Variants in GLT1D1 observed in about 807,000 individuals in gnomAD.
The protein encoded by GLT1D1 is glycosyltransferase 1 domain containing 1.
GLT1D1 carries 21 observed loss-of-function variants against 28.7 expected under a neutral mutation model. The observed-to-expected ratio is 0.73, with a 90% confidence interval of 0.52 to 1.05. GLT1D1 has a LOEUF of 1.05. Ranked by LOEUF, GLT1D1 falls within the 50% of genes least tolerant of loss-of-function variation. The pLI is 0.00. For synonymous variants in GLT1D1, 147 were observed against 124.8 expected, an observed-to-expected ratio of 1.18 and a Z score of -1.19; for missense variants, 343 against 330.6, an observed-to-expected ratio of 1.04 and a Z score of -0.29.
At chr12:128,944,374 A>G in intron 4 of GLT1D1, 2 of 986,958 alleles carry the variant, frequency 2.0e-6, no homozygotes, top group Non-Finnish European at 3.2e-6. Context: ...GAATGTTTCC[A>G]ACACCGCTTT....
chr12:128,954,485 T>C (rs1414162414), intron 6 of GLT1D1, among the ~76,000 whole-genome samples: 1 of 152,144 alleles, frequency 6.6e-6, no homozygotes, highest in African/African-American at 2.4e-5. Flanking sequence ...GGTTCTAAGG[T>C]CACCTGTTTT....
At chr12:128,919,381 A>G (rs1872422936) in intron 4 of GLT1D1, among the ~76,000 whole-genome samples, 1 of 152,184 alleles carries the variant, frequency 6.6e-6, no homozygotes, top group Non-Finnish European at 1.5e-5. Flanking sequence ...CACTGCATAT[A>G]AACAGTTGAG....
chr12:128,872,755 C>T (rs1956730289), intron 1 of GLT1D1, among the ~76,000 whole-genome samples: 1 of 152,168 alleles, frequency 6.6e-6, no homozygotes, highest in African/African-American at 2.4e-5. Context: ...CACGCACGCT[C>T]ACACTCACAC....
intron 1 of GLT1D1, among the ~76,000 whole-genome samples, chr12:128,856,582 A>G (rs1956230224): frequency 6.6e-6 from 1 of 152,118 alleles, no homozygotes; most frequent in South Asian, 2.1e-4. Flanking sequence ...GGTCCCAGGA[A>G]GGAATAATGG....
At chr12:128,981,221 T>G (rs1442234247) in intron 7 of GLT1D1, among the ~76,000 whole-genome samples, 2 of 152,224 alleles carry the variant, frequency 1.3e-5, no homozygotes, top group African/African-American at 4.8e-5. Context: ...TTCGTTCACT[T>G]TTCCATGCGG....
chr12:128,927,249 AT>A (rs1873321251), intron 4 of GLT1D1, 95 bp downstream of exon 8: 6 of 1,005,478 alleles, frequency 6.0e-6, no homozygotes, highest in Admixed American at 4.1e-5. Context: ...GCTCTTCTTT[AT>A]TTTTTTGAGA....
chr12:128,888,664 C>A lies in GLT1D1; in HGVS notation c.243C>A (p.Ile81=), dbSNP rs375104685. 8.7e-6 allele frequency: 14 copies of A among 1,613,366 alleles called. No individual in the cohort carries two copies. The highest frequency in any genetic ancestry group is 2.2e-5 in the South Asian group (2 of 91,040). Reference sequence around the variant, plus strand: ...GCCACCGAATCCCTTTTGGAGTCATCTTTGGTGGAACTGATGTAAATGAAG... The same window carrying A: ...GCCACCGAATCCCTTTTGGAGTCATATTTGGTGGAACTGATGTAAATGAAG... Residue 81 remains isoleucine, a synonymous_variant, in exon 3 of 8, where the codon ATC becomes ATA. Transcript: ENST00000281703.
chr12:128,897,217 T>C (rs1351116298), intron 3 of GLT1D1, among the ~76,000 whole-genome samples: 1 of 152,222 alleles, frequency 6.6e-6, no homozygotes, highest in African/African-American at 2.4e-5. Flanking sequence ...CATCCCATTT[T>C]TCCCATCCCT....
intron 4 of GLT1D1, among the ~76,000 whole-genome samples, chr12:128,914,020 G>A (rs1017306742): frequency 1.2e-4 from 19 of 152,146 alleles, no homozygotes; most frequent in African/African-American, 4.6e-4. Context: ...TGTGAATAAC[G>A]ATTATGCAGG....
chr12:128,932,032 C>T (rs150480506), intron 4 of GLT1D1, among the ~76,000 whole-genome samples: 20 of 152,238 alleles, frequency 1.3e-4, no homozygotes, highest in African/African-American at 4.6e-4. Flanking sequence ...TGGGTTTGAG[C>T]AAGGATCGCC....
chr12:128,922,552 C>T (rs966858257), intron 4 of GLT1D1, among the ~76,000 whole-genome samples: 5 of 152,170 alleles, frequency 3.3e-5, no homozygotes, highest in South Asian at 2.1e-4. Flanking sequence ...CTGCATGTAG[C>T]GTCTAGCTTA....
At chr12:128,902,769 C>T (rs1231608003) in intron 4 of GLT1D1, among the ~76,000 whole-genome samples, 1 of 151,292 alleles carries the variant, frequency 6.6e-6, no homozygotes, top group Non-Finnish European at 1.5e-5. Flanking sequence ...AATTGCCAGG[C>T]GCAGTGGCTC....
At chr12:128,876,522 C>A (rs974524431) in intron 2 of GLT1D1, among the ~76,000 whole-genome samples, 1 of 152,040 alleles carries the variant, frequency 6.6e-6, no homozygotes, top group African/African-American at 2.4e-5. Context: ...ACCCTTGTTG[C>A]CCAGGCTGGT....
chr12:128,983,109 C>A lies in GLT1D1; in HGVS notation c.*19C>A. 6.2e-7 allele frequency: 1 copy of A among 1,609,756 alleles called. No individual in the cohort carries two copies. The highest frequency in any genetic ancestry group is 8.5e-7 in the Non-Finnish European group (1 of 1,177,280). On this transcript the variant is annotated 3_prime_UTR_variant, in exon 8 of 8. Transcript: ENST00000281703. The surrounding 1 kb of genome is among the most constrained non-coding windows in gnomAD (Gnocchi z 4.7). ...AGATTGAGGGCCCCGCCTCATCAGACACCTGCTCTCTGACACACAGCTCTG... is the reference window on the plus strand; with the variant it reads ...AGATTGAGGGCCCCGCCTCATCAGAAACCTGCTCTCTGACACACAGCTCTG...
At chr12:128,962,448 T>C (rs1878062321) in intron 7 of GLT1D1, among the ~76,000 whole-genome samples, 1 of 152,204 alleles carries the variant, frequency 6.6e-6, no homozygotes, top group African/African-American at 2.4e-5. Flanking sequence ...AAAGACTTCC[T>C]GGCAAACAGG....
At chr12:128,874,103 TCTCTCTCTC>T (rs1956791451) in intron 1 of GLT1D1, among the ~76,000 whole-genome samples, 1 of 42,280 alleles carries the variant, frequency 2.4e-5, no homozygotes, top group African/African-American at 9.8e-5. Context: ...TTTCTTTCTC[TCTCTCTCTC>T]TCTCTCTCTC....
chr12:128,963,063 C>T (rs1878125665), intron 7 of GLT1D1, among the ~76,000 whole-genome samples: 1 of 152,202 alleles, frequency 6.6e-6, no homozygotes, highest in South Asian at 2.1e-4. Flanking sequence ...TTGCTGCCAG[C>T]CTGTGACCTC....
At chr12:128,903,540 C>T (rs1870528328) in intron 4 of GLT1D1, among the ~76,000 whole-genome samples, 1 of 151,566 alleles carries the variant, frequency 6.6e-6, no homozygotes, top group African/African-American at 2.4e-5. Context: ...ATGCTTGTCT[C>T]TAATGAGTAT....
intron 4 of GLT1D1, among the ~76,000 whole-genome samples, chr12:128,943,135 C>T (rs1875548460): frequency 6.6e-6 from 1 of 152,186 alleles, no homozygotes; most frequent in Non-Finnish European, 1.5e-5. Flanking sequence ...TAACAGGTAT[C>T]GATTTCTTGG....
Sources: allele counts gnomAD v4.1 joint callset (sites outside exome capture counted in the v4.1 genomes callset), GRCh38; gene constraint gnomAD v4.1.1; non-coding constraint Gnocchi (gnomAD v3.1); transcripts MANE v1.5; gene names NCBI Gene and HGNC (gene_info 2026-07-23, HGNC 2026-07-21).